Variants in DESI1 observed in about 807,000 individuals in gnomAD.
DESI1 encodes desumoylating isopeptidase 1.
DESI1 carries 17 observed loss-of-function variants against 22.4 expected under a neutral mutation model. The ratio of observed to expected loss-of-function variants is 0.76; its 90% confidence interval spans 0.52 to 1.14. The LOEUF is 1.14. Ranked by LOEUF, DESI1 falls within the 50% of genes most tolerant of loss-of-function variation. The probability of loss-of-function intolerance (pLI) is 0.00; values close to 1 mark genes in which losing one functional copy is unlikely to be tolerated. For missense variants in DESI1, 177 were observed against 208.9 expected (o/e 0.85, Z 0.94); for synonymous variants, 92 against 84.2 (o/e 1.09, Z -0.51).
At chr22:41,601,302 G>T in intron 5 of DESI1, 112 bp from the exon 6 acceptor site, 2 of 923,394 alleles carry the variant, frequency 2.2e-6, no homozygotes, top group Non-Finnish European at 3.2e-6. Context: ...GGCAGCAGAA[G>T]CAGCACCAGC....
At chr22:41,614,067 C>T (rs749444838) in intron 1 of DESI1, among the ~76,000 whole-genome samples, 6 of 151,908 alleles carry the variant, frequency 3.9e-5, no homozygotes, top group Non-Finnish European at 8.8e-5. Context: ...GACGGAGTCT[C>T]GCTCTGTTGT....
Position 41,611,866 on chromosome 22 carries a change from C to T in DESI1, c.89-4005G>A, listed in dbSNP as rs767337789. 6.0e-4 allele frequency among the ~76,000 whole-genome samples: 92 copies of T among 152,286 alleles called. 1 individual carries two copies. Among genetic ancestry groups the T allele is most frequent in the Non-Finnish European group, 7.8e-4 (53 of 68,030 alleles). The stretch of plus-strand genomic sequence containing the variant: ...TCGGCCTCCCAAAGTGCTGGGATTA[C>T]AGGCGTGAGCTACCGCGCCTGGCCC... On this transcript the variant is annotated intron_variant, in intron 1 of 5. Coordinates refer to ENST00000263256, the MANE Select transcript of DESI1 (RefSeq NM_015704.3).
intron 1 of DESI1, among the ~76,000 whole-genome samples, chr22:41,620,006 G>T (rs2067575405): frequency 6.6e-6 from 1 of 152,208 alleles, no homozygotes; most frequent in Non-Finnish European, 1.5e-5. Context: ...TCTCCTGCCA[G>T]TTAAGTAGTT....
At chr22:41,614,183 C>T (rs1368838554) in intron 1 of DESI1, among the ~76,000 whole-genome samples, 1 of 149,116 alleles carries the variant, frequency 6.7e-6, no homozygotes, top group Non-Finnish European at 1.5e-5. Context: ...ATTACAGGAG[C>T]TCGCCACCAT....
chr22:41,620,725 C>A, intron 1 of DESI1, 27 bp downstream of exon 1: 1 of 1,587,384 alleles, frequency 6.3e-7, no homozygotes, highest in Non-Finnish European at 8.6e-7. Flanking sequence ...TCCCGCCCTC[C>A]TGCCCACCTG....
chr22:41,610,667 G>T (rs925634080), intron 1 of DESI1, among the ~76,000 whole-genome samples: 1 of 151,784 alleles, frequency 6.6e-6, no homozygotes, highest in Non-Finnish European at 1.5e-5. Flanking sequence ...GAGGTCAGGA[G>T]TTTGAGATCA....
At chr22:41,610,221 A>T (rs2067508692) in intron 1 of DESI1, among the ~76,000 whole-genome samples, 1 of 151,794 alleles carries the variant, frequency 6.6e-6, no homozygotes, top group South Asian at 2.1e-4. Flanking sequence ...TCTACTAAAA[A>T]TACAAAAATT....
chr22:41,605,942 C>T (rs2067476892), intron 3 of DESI1, among the ~76,000 whole-genome samples: 1 of 151,986 alleles, frequency 6.6e-6, no homozygotes, highest in Non-Finnish European at 1.5e-5. Context: ...AGAAGGTGTA[C>T]TGATGTCAGA....
At chr22:41,611,588 CTTCT>C (rs1317669131) in intron 1 of DESI1, among the ~76,000 whole-genome samples, 143 of 117,352 alleles carry the variant, frequency 1.2e-3, no homozygotes, top group African/African-American at 2.6e-3. Context: ...TTACCTGTTC[CTTCT>C]TTTTTTTTTT....
intron 4 of DESI1, among the ~76,000 whole-genome samples, chr22:41,603,720 C>CCCTTCTGCAAACCCTGTTTTT (rs2067462616): frequency 6.6e-6 from 1 of 152,214 alleles, no homozygotes; most frequent in South Asian, 2.1e-4. Context: ...TTCATCCCAA[C>CCCTTCTGCAAACCCTGTTTTT]CCTTCTGCAA....
At chr22:41,604,335 TC>T in intron 3 of DESI1, 182 bp from the exon 4 acceptor site, 1 of 466,944 alleles carries the variant, frequency 2.1e-6, no homozygotes, top group South Asian at 3.1e-5. Flanking sequence ...AACCTCCGCC[TC>T]CCGGGTTCAA....
At chr22:41,616,535 C>T (rs2067551834) in intron 1 of DESI1, among the ~76,000 whole-genome samples, 1 of 130,910 alleles carries the variant, frequency 7.6e-6, no homozygotes, top group Non-Finnish European at 1.6e-5. Context: ...AACACACACA[C>T]ACACACACAC....
chr22:41,604,850 T>C lies in DESI1; in HGVS notation c.181-697A>G, dbSNP rs1297655831. On this transcript the variant is annotated intron_variant, in intron 3 of 5. Coordinates refer to ENST00000263256, the MANE Select transcript of DESI1 (RefSeq NM_015704.3). ...CCCACAGGCTGCAGGTTGGACAAGC[T>C]TGGCTTAGAGCTTTCTGGTCACTTT... is the stretch of plus-strand genomic sequence containing the variant. Among the ~76,000 whole-genome samples, 6 of 152,220 alleles carry C rather than the reference T, an allele frequency of 3.9e-5. 1 individual carries two copies. The highest frequency in any genetic ancestry group is 7.3e-5 in the Non-Finnish European group (5 of 68,044).
intron 1 of DESI1, among the ~76,000 whole-genome samples, chr22:41,615,226 G>A (rs1164705043): frequency 7.1e-6 from 1 of 141,408 alleles, no homozygotes; most frequent in Non-Finnish European, 1.5e-5. Context: ...TCAGGAGATC[G>A]AGACCATCCC....
intron 1 of DESI1, among the ~76,000 whole-genome samples, chr22:41,615,036 C>T (rs1477000503): frequency 5.3e-5 from 8 of 151,282 alleles, no homozygotes; most frequent in African/African-American, 7.3e-5. Context: ...CAGTGGCTCA[C>T]GCCTGTAATC....
At chr22:41,607,683 G>A (rs1296839192) in intron 2 of DESI1, among the ~76,000 whole-genome samples, 157 bp downstream of exon 2, 1 of 152,224 alleles carries the variant, frequency 6.6e-6, no homozygotes, top group African/African-American at 2.4e-5. Context: ...CAGGGTGAGA[G>A]AGCAAAAGAA....
intron 1 of DESI1, among the ~76,000 whole-genome samples, chr22:41,617,712 C>T (rs150936847): frequency 7.7e-4 from 118 of 152,362 alleles, no homozygotes; most frequent in African/African-American, 2.7e-3. Flanking sequence ...AGTAGATTAG[C>T]ACACAAGGTG....
chr22:41,611,356 C>T (rs1002942702), intron 1 of DESI1, among the ~76,000 whole-genome samples: 4 of 151,814 alleles, frequency 2.6e-5, no homozygotes, highest in Non-Finnish European at 4.4e-5. Flanking sequence ...TGGTCTCGAA[C>T]TCCTGACCTC....
intron 1 of DESI1, among the ~76,000 whole-genome samples, chr22:41,612,288 C>A (rs1163092671): frequency 2.0e-5 from 3 of 151,842 alleles, no homozygotes; most frequent in African/African-American, 7.3e-5. Context: ...GCGGGCGGAT[C>A]ACCTGAGGTC....
Sources: allele counts gnomAD v4.1 joint callset (sites outside exome capture counted in the v4.1 genomes callset), GRCh38; gene constraint gnomAD v4.1.1; transcripts MANE v1.5; gene names NCBI Gene and HGNC (gene_info 2026-07-23, HGNC 2026-07-21).